The following SNAI3 variants were observed in gnomAD, a reference collection of about 807,000 sequenced individuals.
SNAI3 encodes snail family transcriptional repressor 3.
SNAI3 carries 21 observed loss-of-function variants against 16.4 expected under a neutral mutation model. That is an observed-to-expected ratio of 1.28 (90% CI 0.91 to 1.85). The LOEUF is 1.85. SNAI3 is among the 40% of genes most tolerant of loss of function. The pLI is 0.00. For missense variants in SNAI3, 457 were observed against 372.8 expected (o/e 1.23, Z -1.86); for synonymous variants, 202 against 166.6 (o/e 1.21, Z -1.64).
Position 88,678,453 on chromosome 16 carries a change from G to T in SNAI3, c.874C>A (p.Pro292Thr). The T allele has an allele frequency of 1.3e-6, 1 of 770,032 alleles. No homozygotes were observed. The allele number at this position is 770,032 out of a possible 1,614,324, so 47.7% of individuals were successfully genotyped here. A position where few individuals can be genotyped will look rare whatever the true frequency, so the allele number is the denominator to read the frequency against. Reference sequence around the variant, plus strand: ...CTGCGCCGACCACGTGCCTCTCAGGGGCCCGGGCAGCAGCCAGACTCCTCA... The same window carrying T: ...CTGCGCCGACCACGTGCCTCTCAGGTGCCCGGGCAGCAGCCAGACTCCTCA... ...RHEESGCCPG[P>T] The change falls in exon 3 of 3, where the codon CCC becomes ACC. Residue 292 changes from proline (P) to threonine (T), a missense_variant. Coordinates refer to ENST00000332281, the MANE Select transcript of SNAI3 (RefSeq NM_178310.4).
At position 88,681,387 on chromosome 16, in the gene SNAI3, G is replaced by C. The variant is rs777179479; in HGVS notation, c.404C>G (p.Ala135Gly). The C allele has an allele frequency of 1.2e-6, 2 of 1,612,366 alleles. No homozygotes were observed. Among genetic ancestry groups the C allele is most frequent in the African/African-American group, 2.7e-5 (2 of 74,916 alleles). ...SPTLGPDRHGAPEKLLGAERM... is the reference protein window; with the variant it reads ...SPTLGPDRHGGPEKLLGAERM... Reference sequence around the variant, plus strand: ...CTCAGCCCCAAGCAGTTTTTCCGGAGCCCCGTGCCGGTCTGGGCCCAAGGT... The same window carrying C: ...CTCAGCCCCAAGCAGTTTTTCCGGACCCCCGTGCCGGTCTGGGCCCAAGGT... Residue 135 changes from alanine to glycine, a missense_variant, in exon 2 of 3, where the codon GCT becomes GGT. Physicochemically the swap from Ala to Gly is moderately conservative, Grantham distance 60. Transcript: ENST00000332281. This position sits in a 1 kb window ranked among gnomAD's most constrained non-coding sequence, Gnocchi z 5.4.
intron 2 of SNAI3, among the ~76,000 whole-genome samples, chr16:88,679,752 ACT>A (rs1226080664): frequency 1.1e-5 from 1 of 90,112 alleles, no homozygotes; most frequent in African/African-American, 4.2e-5. Context: ...AAAGAGTGAG[ACT>A]CTGTCTCAAA....
At chr16:88,684,367 G>A (rs1909282385) in intron 1 of SNAI3, among the ~76,000 whole-genome samples, 1 of 152,246 alleles carries the variant, frequency 6.6e-6, no homozygotes, top group Non-Finnish European at 1.5e-5. Flanking sequence ...GACGGGGCAA[G>A]AGACAGTCTC....
At position 88,681,734 on chromosome 16, in the gene SNAI3, A is replaced by G; in HGVS notation, c.77-20T>C. ...TGATTTCTAGAGGGGTGGAGGGGAG[A>G]GAATAGAAAGATGAAGACTGAATCC... On this transcript the variant is annotated intron_variant, in intron 1 of 2. Coordinates refer to ENST00000332281, the MANE Select transcript of SNAI3 (RefSeq NM_178310.4). The surrounding 1 kb of genome is among the most constrained non-coding windows in gnomAD (Gnocchi z 5.4). The G allele has an allele frequency of 7.1e-7, 1 of 1,413,270 alleles. No individual in the cohort carries two copies. Among genetic ancestry groups the G allele is most frequent in the South Asian group, 1.9e-5 (1 of 52,804 alleles). 87.5% of individuals were successfully genotyped at this position (1,413,270 alleles called of 1,614,324 possible). A position where few individuals can be genotyped will look rare whatever the true frequency, so the allele number is the denominator to read the frequency against.
chr16:88,686,186 C>T, intron 1 of SNAI3, 145 bp downstream of exon 1: 1 of 1,100,032 alleles, frequency 9.1e-7, no homozygotes, highest in Non-Finnish European at 1.3e-6. Context: ...TCCCTGCAGC[C>T]GCAGCCGCTG....
rs1382474510 is a variant in SNAI3, at chr16:88,681,011, C to T, written c.697+83G>A. Reference sequence around the variant, plus strand: ...ATGCCCATGCTATTGTTTATAAAATCACCCCTCCTCCTTTTCTAACTCCCG... The same window carrying T: ...ATGCCCATGCTATTGTTTATAAAATTACCCCTCCTCCTTTTCTAACTCCCG... On this transcript the variant is annotated intron_variant, in intron 2 of 2. Coordinates refer to ENST00000332281, the MANE Select transcript of SNAI3 (RefSeq NM_178310.4). This position sits in a 1 kb window ranked among gnomAD's most constrained non-coding sequence, Gnocchi z 5.4. 1 of 1,523,922 alleles carries T rather than the reference C, an allele frequency of 6.6e-7. No individual in the cohort carries two copies. The highest frequency in any genetic ancestry group is 2.3e-5 in the East Asian group (1 of 43,832). The allele number at this position is 1,523,922 out of a possible 1,614,324, so 94.4% of individuals were successfully genotyped here. A position where few individuals can be genotyped will look rare whatever the true frequency, so the allele number is the denominator to read the frequency against.
At chr16:88,679,151 G>A (rs1179519109) in intron 2 of SNAI3, 2 of 964,724 alleles carry the variant, frequency 2.1e-6, no homozygotes, top group Non-Finnish European at 2.5e-6. Flanking sequence ...AGAGACCTCA[G>A]CCTGCAGCCC....
At chr16:88,684,737 G>A (rs898415244) in intron 1 of SNAI3, among the ~76,000 whole-genome samples, 1 of 152,118 alleles carries the variant, frequency 6.6e-6, no homozygotes, top group Non-Finnish European at 1.5e-5. Flanking sequence ...GTGATCTGCC[G>A]TCCTCGACCT....
chr16:88,681,738 T>C lies in SNAI3; in HGVS notation c.77-24A>G. On this transcript the variant is annotated intron_variant, in intron 1 of 2. Transcript: ENST00000332281. The surrounding 1 kb of genome is among the most constrained non-coding windows in gnomAD (Gnocchi z 5.4). ...TTCTAGAGGGGTGGAGGGGAGAGAA[T>C]AGAAAGATGAAGACTGAATCCCCAG... 1 of 1,399,796 alleles carries C rather than the reference T, an allele frequency of 7.1e-7. No homozygotes were observed. Among genetic ancestry groups the C allele is most frequent in the Non-Finnish European group, 9.3e-7 (1 of 1,071,624 alleles). The allele number at this position is 1,399,796 out of a possible 1,614,324, so 86.7% of individuals were successfully genotyped here. A position where few individuals can be genotyped will look rare whatever the true frequency, so the allele number is the denominator to read the frequency against.
chr16:88,686,180 T>TGCAGCC lies in SNAI3; in HGVS notation c.76+145_76+150dup, dbSNP rs1218934466. 1.4e-4 allele frequency: 149 copies of TGCAGCC among 1,051,098 alleles called. 1 individual carries two copies. The highest frequency in any genetic ancestry group is 1.8e-4 in the Non-Finnish European group (139 of 754,766). The allele number at this position is 1,051,098 out of a possible 1,614,324, so 65.1% of individuals were successfully genotyped here. A position where few individuals can be genotyped will look rare whatever the true frequency, so the allele number is the denominator to read the frequency against. On this transcript the variant is annotated intron_variant, in intron 1 of 2. Transcript: ENST00000332281. ...GGCGCCCGTGGGCCACCTCCCTCCC[T>TGCAGCC]GCAGCCGCAGCCGCTGCGCAGAGGC...
At chr16:88,684,206 C>A (rs1909277861) in intron 1 of SNAI3, among the ~76,000 whole-genome samples, 1 of 152,188 alleles carries the variant, frequency 6.6e-6, no homozygotes, top group African/African-American at 2.4e-5. Flanking sequence ...CTGGGGGAGC[C>A]CCAGGTTTCC....
chr16:88,683,467 G>A (rs1483977119), intron 1 of SNAI3, among the ~76,000 whole-genome samples: 1 of 151,602 alleles, frequency 6.6e-6, no homozygotes, highest in Non-Finnish European at 1.5e-5. Context: ...TGTTGGCCAG[G>A]CTGGTCTCGA....
At position 88,677,823 on chromosome 16, in the gene SNAI3, AATC is replaced by A. The variant is rs1909021001; in HGVS notation, c.*622_*624del. 7.2e-6 allele frequency: 1 copy of A among 139,652 alleles called. No homozygotes were observed. The highest frequency in any genetic ancestry group is 2.5e-5 in the African/African-American group (1 of 40,076). 8.7% of individuals were successfully genotyped at this position (139,652 alleles called of 1,614,324 possible). ...CTCATCCCAACACACCCAAATCACCAATCGTGGGCTCTCCCAGTCCTGCCCCAT... is the reference window on the plus strand; with the variant it reads ...CTCATCCCAACACACCCAAATCACCAGTGGGCTCTCCCAGTCCTGCCCCAT... On this transcript the variant is annotated 3_prime_UTR_variant, in exon 3 of 3. Transcript: ENST00000332281.
chr16:88,678,411 A>G lies in SNAI3; in HGVS notation c.*37T>C. On this transcript the variant is annotated 3_prime_UTR_variant, in exon 3 of 3. Transcript: ENST00000332281. ...AGGAGGGACGCCAGCTCTCCCGGTGAGGACCATCCCTCCTACCTGCGCCGA... is the reference window on the plus strand; with the variant it reads ...AGGAGGGACGCCAGCTCTCCCGGTGGGGACCATCCCTCCTACCTGCGCCGA... The G allele has an allele frequency of 1.4e-6, 1 of 726,836 alleles. No homozygotes were observed. The highest frequency in any genetic ancestry group is 1.8e-5 in the Admixed American group (1 of 55,392). 45.0% of individuals were successfully genotyped at this position (726,836 alleles called of 1,614,324 possible). A position where few individuals can be genotyped will look rare whatever the true frequency, so the allele number is the denominator to read the frequency against.
At position 88,681,561 on chromosome 16, in the gene SNAI3, T is replaced by C; in HGVS notation, c.230A>G (p.Glu77Gly). ...CAGCCCAGAGGCCCCCAGAGCTTCCTCGATCCGTGGCAGGAGGGGCAGGGA... is the reference window on the plus strand; with the variant it reads ...CAGCCCAGAGGCCCCCAGAGCTTCCCCGATCCGTGGCAGGAGGGGCAGGGA... ...CISLPLLPRI[E>G]EALGASGLDA... Residue 77 changes from glutamate (E) to glycine (G), a missense_variant, in exon 2 of 3, where the codon GAG becomes GGG. Coordinates refer to ENST00000332281, the MANE Select transcript of SNAI3 (RefSeq NM_178310.4). The surrounding 1 kb of genome is among the most constrained non-coding windows in gnomAD (Gnocchi z 5.4). 2.0e-6 allele frequency: 3 copies of C among 1,509,492 alleles called. No individual in the cohort carries two copies. The highest frequency in any genetic ancestry group is 2.7e-6 in the Non-Finnish European group (3 of 1,127,782). 93.5% of individuals were successfully genotyped at this position (1,509,492 alleles called of 1,614,324 possible).
Position 88,681,659 on chromosome 16 carries a change from T to G in SNAI3, c.132A>C (p.Arg44=). 1 of 1,452,648 alleles carries G rather than the reference T, an allele frequency of 6.9e-7. No individual in the cohort carries two copies. Among genetic ancestry groups the G allele is most frequent in the South Asian group, 1.6e-5 (1 of 62,564 alleles). The allele number at this position is 1,452,648 out of a possible 1,614,324, so 90.0% of individuals were successfully genotyped here. ...CGGLVVPLLP[R]DKEAPSVPGD... ...CGGGCACAGAAGGGGCCTCCTTGTC[T>G]CGGGGGAGGAGGGGCACCACCAGCC... Residue 44 remains arginine, a synonymous_variant, in exon 2 of 3, where the codon CGA becomes CGC. Transcript: ENST00000332281. This position sits in a 1 kb window ranked among gnomAD's most constrained non-coding sequence, Gnocchi z 5.4.
chr16:88,680,376 C>T (rs1909126164), intron 2 of SNAI3, among the ~76,000 whole-genome samples: 2 of 148,222 alleles, frequency 1.3e-5, no homozygotes, highest in South Asian at 4.3e-4. Context: ...ACCTCCACCT[C>T]CTGGGTTCAA....
At chr16:88,679,778 A>G (rs1194640516) in intron 2 of SNAI3, among the ~76,000 whole-genome samples, 74 of 146,408 alleles carry the variant, frequency 5.1e-4, no homozygotes, top group African/African-American at 7.7e-4. Context: ...AAAAAAAAAA[A>G]AAAAGAAAAA....
intron 1 of SNAI3, among the ~76,000 whole-genome samples, chr16:88,683,776 C>G (rs1909263263): frequency 6.6e-6 from 1 of 151,856 alleles, no homozygotes. Context: ...AGACTCGTCT[C>G]AAACTCCTGG....
Sources: gnomAD v4.1 joint callset for allele counts (sites outside exome capture counted in the v4.1 genomes callset) on GRCh38, gnomAD v4.1.1 for gene constraint, Gnocchi (gnomAD v3.1) non-coding constraint, MANE v1.5 for transcripts, NCBI Gene and HGNC (gene_info 2026-07-23, HGNC 2026-07-21) for gene names.